The following OTUD7A variants were observed in gnomAD, a reference collection of about 807,000 sequenced individuals.
The protein encoded by OTUD7A is OTU domain-containing protein 7A.
A neutral mutation model predicts 65.7 loss-of-function variants in OTUD7A; 12 were observed. That is an observed-to-expected ratio of 0.18 (90% CI 0.12 to 0.30). The LOEUF (loss-of-function observed/expected upper bound fraction) is 0.30. Ranked by LOEUF, OTUD7A falls within the 10% of genes least tolerant of loss-of-function variation. OTUD7A has a pLI of 1.00. For synonymous variants in OTUD7A, 641 were observed against 586.3 expected (o/e 1.09, Z -1.35); for missense variants, 1,148 against 1,304.8 (o/e 0.88, Z 1.85).
intron 1 of OTUD7A, among the ~76,000 whole-genome samples, chr15:31,864,045 T>C (rs1197141237): frequency 6.6e-6 from 1 of 152,212 alleles, no homozygotes; most frequent in Non-Finnish European, 1.5e-5. Flanking sequence ...CACCAGTCTC[T>C]TCGCTAAAAC....
chr15:31,655,831 A>C (rs1409839888), intron 2 of OTUD7A, among the ~76,000 whole-genome samples: 1 of 152,240 alleles, frequency 6.6e-6, no homozygotes, highest in Non-Finnish European at 1.5e-5. Flanking sequence ...AAGTATACCT[A>C]GAAAAATTCA....
chr15:31,771,864 A>G (rs1263673157), intron 1 of OTUD7A, among the ~76,000 whole-genome samples: 3 of 152,142 alleles, frequency 2.0e-5, no homozygotes, highest in Non-Finnish European at 4.4e-5. Context: ...TGTAGTGCTC[A>G]TCCATGTTGT....
intron 3 of OTUD7A, among the ~76,000 whole-genome samples, chr15:31,571,037 T>C (rs557994059): frequency 1.1e-3 from 161 of 152,302 alleles, no homozygotes; most frequent in African/African-American, 3.7e-3. Flanking sequence ...AGATTTGGAA[T>C]GTTCCCAACA....
At chr15:31,775,089 T>TACACACACAC (rs3046535) in intron 1 of OTUD7A, among the ~76,000 whole-genome samples, 2 of 148,012 alleles carry the variant, frequency 1.4e-5, no homozygotes, top group African/African-American at 5.0e-5. Context: ...TCCATGCATT[T>TACACACACAC]ACACACACAC....
chr15:31,828,142 C>T (rs529818633), intron 1 of OTUD7A, among the ~76,000 whole-genome samples: 67 of 152,250 alleles, frequency 4.4e-4, no homozygotes, highest in Admixed American at 1.0e-3. Context: ...CCATCTCACT[C>T]GCTCCTCTGA....
Position 31,495,605 on chromosome 15 carries a change from T to C in OTUD7A, c.1171+6085A>G, listed in dbSNP as rs1047161809. Among the ~76,000 whole-genome samples, 3 of 152,256 alleles carry C rather than the reference T, an allele frequency of 2.0e-5. No homozygotes were observed. The East Asian group carries it at 5.8e-4, about 29-fold the overall frequency. ...GCTCCTGAGAGGAGTGGCAAAGAAA[T>C]ATGGCCCAGTGAGACTGGCCACACA... is the stretch of plus-strand genomic sequence containing the variant. On this transcript the variant is annotated intron_variant, in intron 10 of 12. Coordinates refer to ENST00000307050, the MANE Select transcript of OTUD7A (RefSeq NM_001382637.1).
At chr15:31,574,729 A>G (rs974621716) in intron 3 of OTUD7A, among the ~76,000 whole-genome samples, 1 of 152,190 alleles carries the variant, frequency 6.6e-6, no homozygotes, top group Non-Finnish European at 1.5e-5. Context: ...GAGAAGCTGC[A>G]TCTCCTTGGG....
chr15:31,774,057 C>A (rs568809492), intron 1 of OTUD7A, among the ~76,000 whole-genome samples: 1 of 152,340 alleles, frequency 6.6e-6, no homozygotes, highest in African/African-American at 2.4e-5. Context: ...AAGACATGCC[C>A]AGAGCAGCCA....
intron 8 of OTUD7A, among the ~76,000 whole-genome samples, chr15:31,522,402 G>C (rs58472566): frequency 0.013 from 2,022 of 152,282 alleles, 35 homozygotes; most frequent in African/African-American, 0.046. Context: ...CCAGCTCTTG[G>C]GCCTTCGTGT....
At chr15:31,501,613 C>G in intron 10 of OTUD7A, 77 bp downstream of exon 10, 1 of 1,578,768 alleles carries the variant, frequency 6.3e-7, no homozygotes, top group African/African-American at 1.3e-5. Context: ...TCCACCTCCC[C>G]GTGCAATGGG....
chr15:31,509,393 C>T (rs1271199676), intron 8 of OTUD7A, among the ~76,000 whole-genome samples: 1 of 152,090 alleles, frequency 6.6e-6, no homozygotes, highest in Non-Finnish European at 1.5e-5. Flanking sequence ...ATTCTTTTGC[C>T]TCAGCCTCCC....
At chr15:31,792,317 G>T (rs555558811) in intron 1 of OTUD7A, among the ~76,000 whole-genome samples, 1 of 152,180 alleles carries the variant, frequency 6.6e-6, no homozygotes, top group Admixed American at 6.5e-5. Flanking sequence ...ACAGAAACCG[G>T]ATGCCATCAC....
intron 1 of OTUD7A, among the ~76,000 whole-genome samples, chr15:31,802,141 G>GTATATATATA (rs1555419391): frequency 7.0e-6 from 1 of 142,492 alleles, no homozygotes; most frequent in Admixed American, 7.1e-5. Context: ...GTGTGTGTGT[G>GTATATATATA]TATATATATA....
Position 31,822,381 on chromosome 15 carries a change from T to C in OTUD7A, c.-100+48126A>G, listed in dbSNP as rs572497829. Among the ~76,000 whole-genome samples, 21 of 152,318 alleles carry C rather than the reference T, an allele frequency of 1.4e-4. No individual in the cohort carries two copies. In the East Asian group the frequency reaches 4.0e-3, roughly 29 times the overall value. On this transcript the variant is annotated intron_variant, in intron 1 of 12. Coordinates refer to ENST00000307050, the MANE Select transcript of OTUD7A (RefSeq NM_001382637.1). ...CTTGGGCATCACGGACCCCGCACCC[T>C]AGCTCCCTCCAGTTTCTGTTATTTA...
intron 1 of OTUD7A, among the ~76,000 whole-genome samples, chr15:31,744,454 A>C (rs961475342): frequency 6.6e-6 from 1 of 152,100 alleles, no homozygotes; most frequent in Non-Finnish European, 1.5e-5. Context: ...AAACCAATAA[A>C]AATTATTTAC....
At chr15:31,550,184 T>G (rs1888274862) in intron 5 of OTUD7A, among the ~76,000 whole-genome samples, 1 of 151,918 alleles carries the variant, frequency 6.6e-6, no homozygotes, top group Admixed American at 6.6e-5. Context: ...TGGACTCTGT[T>G]CTGGTCCCTC....
At position 31,599,890 on chromosome 15, in the gene OTUD7A, C is replaced by T. The variant is rs147644945; in HGVS notation, c.152-29693G>A. On this transcript the variant is annotated intron_variant, in intron 3 of 12. Transcript: ENST00000307050. ...GTCGATCAAGCGGAAGAAAGGATAT[C>T]AGAGATTGAAGATCAAATTAATGAA... Among the ~76,000 whole-genome samples the T allele has an allele frequency of 3.5e-3, 534 of 151,966 alleles. 5 individuals carry two copies. Among genetic ancestry groups the T allele is most frequent in the African/African-American group, 0.012 (517 of 41,426 alleles).
At chr15:31,709,618 T>C (rs1346913653) in intron 1 of OTUD7A, among the ~76,000 whole-genome samples, 5 of 152,098 alleles carry the variant, frequency 3.3e-5, no homozygotes, top group Non-Finnish European at 5.9e-5. Flanking sequence ...GGGATGACAC[T>C]GATGGAAAGG....
At chr15:31,530,433 C>T (rs1039496580) in intron 6 of OTUD7A, among the ~76,000 whole-genome samples, 61 of 152,184 alleles carry the variant, frequency 4.0e-4, no homozygotes, top group African/African-American at 1.4e-3. Flanking sequence ...TACCAGGCGA[C>T]GGTCTCTAAG....
Sources: allele counts gnomAD v4.1 joint callset (sites outside exome capture counted in the v4.1 genomes callset), GRCh38; gene constraint gnomAD v4.1.1; transcripts MANE v1.5; gene names NCBI Gene and HGNC (gene_info 2026-07-23, HGNC 2026-07-21).